FRYL: variants seen among roughly 807,000 people sequenced by gnomAD.
FRYL encodes the protein protein furry homolog-like.
In FRYL, 150 loss-of-function variants were observed where a neutral mutation model predicts 351.2. The observed-to-expected ratio is 0.43, with a 90% CI of 0.37 to 0.49. The LOEUF (loss-of-function observed/expected upper bound fraction) is 0.49, where lower values mean the gene tolerates loss of function less well. FRYL is among the 20% of genes least tolerant of loss of function. FRYL has a pLI of 0.00. For synonymous variants in FRYL, 1,153 were observed against 1,257.1 expected (o/e 0.92, Z 1.75); for missense variants, 3,036 against 3,619.3 (o/e 0.84, Z 4.13).
chr4:48,546,028 C>T, intron 42 of FRYL, 39 bp downstream of exon 42: 5 of 1,556,140 alleles, frequency 3.2e-6, no homozygotes, highest in Non-Finnish European at 3.5e-6. Flanking sequence ...AATGACTTAA[C>T]ACATACACTG....
intron 2 of FRYL, among the ~76,000 whole-genome samples, chr4:48,710,122 G>T (rs1767842651): frequency 6.6e-6 from 1 of 152,170 alleles, no homozygotes; most frequent in African/African-American, 2.4e-5. Context: ...AGAAGAGCTG[G>T]CATTGCACAC....
At chr4:48,501,060 T>C (rs1243715448) in intron 62 of FRYL, among the ~76,000 whole-genome samples, 1 of 116,828 alleles carries the variant, frequency 8.6e-6, no homozygotes, top group Non-Finnish European at 1.6e-5. Flanking sequence ...CACCGCAGCC[T>C]GGGCAAAAGA....
chr4:48,565,568 T>C lies in FRYL; in HGVS notation c.3293A>G (p.Asn1098Ser). The change falls in exon 29 of 64, where the codon AAT (asparagine) becomes AGT (serine). Residue 1098 changes from asparagine (N) to serine (S), a missense_variant. Transcript: ENST00000358350. ...GTATTGATGTCTATTAATTTGCATA[T>C]TTCTATCACTGTATCTGTCCAAGGG... Reference protein sequence around the residue: ...FTPLDRYSDRNMQINRHQYCA... With the variant: ...FTPLDRYSDRSMQINRHQYCA... The C allele has an allele frequency of 1.9e-6, 3 of 1,610,956 alleles. No homozygotes were observed. Among genetic ancestry groups the C allele is most frequent in the Admixed American group, 1.7e-5 (1 of 58,800 alleles).
chr4:48,620,266 T>G (rs549258389), intron 6 of FRYL, among the ~76,000 whole-genome samples: 2 of 152,348 alleles, frequency 1.3e-5, no homozygotes, highest in African/African-American at 4.8e-5. Flanking sequence ...GCAGTCTTCC[T>G]GTATTACAAT....
At chr4:48,547,299 C>T (rs1044591466) in intron 41 of FRYL, among the ~76,000 whole-genome samples, 10 of 152,160 alleles carry the variant, frequency 6.6e-5, no homozygotes, top group African/African-American at 1.4e-4. Flanking sequence ...ACATCTTTTT[C>T]GTAATTCGTC....
chr4:48,595,220 T>C lies in FRYL; in HGVS notation c.1248+370A>G, dbSNP rs548814725. On this transcript the variant is annotated intron_variant, in intron 15 of 63. Coordinates refer to ENST00000358350, the MANE Select transcript of FRYL (RefSeq NM_015030.2). ...TTCTTCAGCCCTACTATAAATTCTCTGAGCTATCTATATTCCTTTCGAGGT... is the reference window on the plus strand; with the variant it reads ...TTCTTCAGCCCTACTATAAATTCTCCGAGCTATCTATATTCCTTTCGAGGT... Among the ~76,000 whole-genome samples the C allele has an allele frequency of 5.3e-5, 8 of 152,354 alleles. No homozygotes were observed. The South Asian group carries it at 1.7e-3, about 32-fold the overall frequency.
chr4:48,753,343 G>A (rs1773442647), intron 1 of FRYL, among the ~76,000 whole-genome samples: 1 of 152,048 alleles, frequency 6.6e-6, no homozygotes, highest in Non-Finnish European at 1.5e-5. Flanking sequence ...AGTTAGGGGG[G>A]AAGGTGGAGA....
chr4:48,597,419 A>C (rs1485565924), intron 13 of FRYL, among the ~76,000 whole-genome samples: 1 of 152,162 alleles, frequency 6.6e-6, no homozygotes, highest in African/African-American at 2.4e-5. Context: ...TGTGTGATAA[A>C]GATGTGTCAA....
intron 1 of FRYL, among the ~76,000 whole-genome samples, chr4:48,727,687 A>G (rs1323743831): frequency 2.0e-5 from 3 of 152,164 alleles, no homozygotes; most frequent in African/African-American, 7.2e-5. Flanking sequence ...TTTGAAATGC[A>G]CCACAACATT....
chr4:48,608,863 G>A, intron 9 of FRYL, 124 bp downstream of exon 9: 1 of 678,318 alleles, frequency 1.5e-6, no homozygotes, highest in East Asian at 2.7e-5. Context: ...AGTAATAAAA[G>A]GTGGAGCTGA....
intron 1 of FRYL, among the ~76,000 whole-genome samples, chr4:48,759,085 G>C (rs190437339): frequency 2.6e-5 from 4 of 152,176 alleles, no homozygotes; most frequent in Admixed American, 6.5e-5. Flanking sequence ...CTGTCATGGC[G>C]TTGGGGGAAG....
chr4:48,593,709 G>C (rs1744015115), intron 16 of FRYL, among the ~76,000 whole-genome samples: 1 of 151,978 alleles, frequency 6.6e-6, no homozygotes, highest in East Asian at 1.9e-4. Context: ...TTTCACTCCA[G>C]CCTGGGCAAC....
chr4:48,706,523 G>T (rs993085619), intron 2 of FRYL, among the ~76,000 whole-genome samples: 7 of 152,152 alleles, frequency 4.6e-5, no homozygotes, highest in Admixed American at 4.6e-4. Context: ...TGGGTATAGA[G>T]TTTCATTTTG....
intron 16 of FRYL, among the ~76,000 whole-genome samples, chr4:48,592,064 G>A (rs529000577): frequency 1.3e-4 from 14 of 111,634 alleles, no homozygotes; most frequent in East Asian, 5.1e-4. Context: ...AATGGAATAC[G>A]GGAAGAAAAT....
chr4:48,616,485 G>T (rs1243027418), intron 7 of FRYL, among the ~76,000 whole-genome samples: 1 of 152,092 alleles, frequency 6.6e-6, no homozygotes, highest in Non-Finnish European at 1.5e-5. Flanking sequence ...CATTTTTATA[G>T]AGGAAGGAAG....
At chr4:48,716,874 A>C (rs1768895910) in intron 1 of FRYL, among the ~76,000 whole-genome samples, 1 of 151,200 alleles carries the variant, frequency 6.6e-6, no homozygotes, top group Non-Finnish European at 1.5e-5. Flanking sequence ...AACCAACCCA[A>C]ATGTCCAACA....
In FRYL at chr4:48,615,078, G is replaced by A. The variant is rs541390318; in HGVS notation, c.411+4196C>T. On this transcript the variant is annotated intron_variant, in intron 7 of 63. Transcript: ENST00000358350. ...CCTGACCTCGTGATCCACCCGTCTC[G>A]GCCTCACAAAGTGCTAGGATTACAG... 2.8e-4 allele frequency among the ~76,000 whole-genome samples: 42 copies of A among 152,100 alleles called. 1 individual carries two copies. The highest frequency in any genetic ancestry group is 1.2e-3 in the Admixed American group (19 of 15,290).
chr4:48,752,936 C>T (rs1312186372), intron 1 of FRYL, among the ~76,000 whole-genome samples: 3 of 151,974 alleles, frequency 2.0e-5, no homozygotes, highest in Non-Finnish European at 4.4e-5. Flanking sequence ...AATCAGGTGG[C>T]GCCTATCGTT....
Position 48,563,978 on chromosome 4 carries a change from AAG to A in FRYL, c.3564_3565del (p.Phe1189Ter). ...CTGGAAAACATTAGCAATGGCTTTA[AAG>A]CAGCCGGCCGCCACCCTCCCGGAGC... On this transcript the variant is annotated frameshift_variant, in exon 31 of 64. Coordinates refer to ENST00000358350, the MANE Select transcript of FRYL (RefSeq NM_015030.2). LOFTEE classifies it high-confidence loss of function. 1.2e-6 allele frequency: 2 copies of A among 1,614,122 alleles called. No homozygotes were observed. The highest frequency in any genetic ancestry group is 1.7e-6 in the Non-Finnish European group (2 of 1,179,996).
Sources: allele counts gnomAD v4.1 joint callset (sites outside exome capture counted in the v4.1 genomes callset), GRCh38; gene constraint gnomAD v4.1.1; transcripts MANE v1.5; gene names NCBI Gene and HGNC (gene_info 2026-07-23, HGNC 2026-07-21).